The following PLXDC2 variants were observed in gnomAD, a reference collection of about 807,000 sequenced individuals.
The protein encoded by PLXDC2 is plexin domain-containing protein 2.
Under a neutral mutation model 68.9 loss-of-function variants are expected in PLXDC2, and 40 were observed. That is an observed-to-expected ratio of 0.58 (90% CI 0.45 to 0.76). The LOEUF (loss-of-function observed/expected upper bound fraction) is 0.76, where lower values mean the gene tolerates loss of function less well. PLXDC2 is among the 30% of genes least tolerant of loss of function. PLXDC2 has a pLI of 0.00. For missense variants in PLXDC2, 644 were observed against 661.9 expected, an observed-to-expected ratio of 0.97 and a Z score of 0.30; for synonymous variants, 243 against 234.2, an observed-to-expected ratio of 1.04 and a Z score of -0.34.
chr10:20,000,891 T>C (rs1834924870), intron 1 of PLXDC2, among the ~76,000 whole-genome samples: 1 of 152,328 alleles, frequency 6.6e-6, no homozygotes, highest in Admixed American at 6.5e-5. Context: ...AAGAAGGCTG[T>C]TCTTGTTCAG....
At chr10:19,830,091 T>C (rs1475735177) in intron 1 of PLXDC2, among the ~76,000 whole-genome samples, 1 of 152,192 alleles carries the variant, frequency 6.6e-6, no homozygotes, top group African/African-American at 2.4e-5. Flanking sequence ...AAAAATGATA[T>C]ATGGGTAAAC....
chr10:20,154,494 G>T (rs918283787), intron 6 of PLXDC2, among the ~76,000 whole-genome samples: 17 of 151,148 alleles, frequency 1.1e-4, no homozygotes, highest in Admixed American at 5.9e-4. Flanking sequence ...AACCCGGGAG[G>T]CAGAAGTTGC....
At chr10:19,949,305 T>C (rs550615878) in intron 1 of PLXDC2, among the ~76,000 whole-genome samples, 5 of 152,262 alleles carry the variant, frequency 3.3e-5, no homozygotes, top group Admixed American at 3.3e-4. Context: ...CTAAGGCTAG[T>C]TGAATACTTG....
At chr10:20,045,097 C>T (rs1048029680) in intron 2 of PLXDC2, among the ~76,000 whole-genome samples, 1 of 152,156 alleles carries the variant, frequency 6.6e-6, no homozygotes, top group Non-Finnish European at 1.5e-5. Flanking sequence ...TCTTCTTTCT[C>T]TGCAGACCTT....
At chr10:20,140,671 A>C (rs1486350188) in intron 4 of PLXDC2, among the ~76,000 whole-genome samples, 1 of 152,110 alleles carries the variant, frequency 6.6e-6, no homozygotes, top group Non-Finnish European at 1.5e-5. Flanking sequence ...TGGAAAATTA[A>C]GGAGAACTAG....
At chr10:20,134,070 G>C (rs2131779199) in intron 4 of PLXDC2, among the ~76,000 whole-genome samples, 1 of 151,990 alleles carries the variant, frequency 6.6e-6, no homozygotes, top group African/African-American at 2.4e-5. Context: ...TTTTTTCATA[G>C]TTTCTGTCTC....
At position 20,287,991 on chromosome 10, in the gene PLXDC2, G is replaced by GAGGC. The variant is rs1554781450; in HGVS notation, c.*8172_*8173insAGGC. On this transcript the variant is annotated 3_prime_UTR_variant, in exon 14 of 14. Coordinates refer to ENST00000377252, the MANE Select transcript of PLXDC2 (RefSeq NM_032812.9). ...GCACTTCTTGCGGCGGGGGAGGGGG[G>GAGGC]GGGGGCGGTGGCTTTCCAGATTTTA... 2 of 128,258 alleles carry GAGGC rather than the reference G, an allele frequency of 1.6e-5. No homozygotes were observed. Among genetic ancestry groups the GAGGC allele is most frequent in the Non-Finnish European group, 3.3e-5 (2 of 60,336 alleles). The allele number at this position is 128,258 out of a possible 1,614,324, so 7.9% of individuals were successfully genotyped here. A position where few individuals can be genotyped will look rare whatever the true frequency, so the allele number is the denominator to read the frequency against.
intron 1 of PLXDC2, among the ~76,000 whole-genome samples, chr10:20,000,741 A>G (rs1834921287): frequency 6.6e-6 from 1 of 152,168 alleles, no homozygotes; most frequent in South Asian, 2.1e-4. Flanking sequence ...CATTAAATAC[A>G]TTTTGGTTTC....
At chr10:20,223,518 G>C (rs983677242) in intron 12 of PLXDC2, among the ~76,000 whole-genome samples, 1 of 151,788 alleles carries the variant, frequency 6.6e-6, no homozygotes, top group Non-Finnish European at 1.5e-5. Context: ...CCACCATGTT[G>C]GCCAGGCTGG....
At chr10:20,208,430 G>A (rs138504010) in intron 9 of PLXDC2, among the ~76,000 whole-genome samples, 1 of 144,200 alleles carries the variant, frequency 6.9e-6, no homozygotes, top group East Asian at 2.3e-4. Flanking sequence ...CTGCCCCTAT[G>A]ATTAGATTAT....
At chr10:20,255,998 ATACTTTC>A (rs1426768892) in intron 13 of PLXDC2, among the ~76,000 whole-genome samples, 3 of 152,108 alleles carry the variant, frequency 2.0e-5, no homozygotes, top group Non-Finnish European at 4.4e-5. Flanking sequence ...TTCTATGTCT[ATACTTTC>A]TACTTTCAGC....
At chr10:20,107,929 T>G (rs77724582) in intron 4 of PLXDC2, among the ~76,000 whole-genome samples, 1 of 152,126 alleles carries the variant, frequency 6.6e-6, no homozygotes, top group Non-Finnish European at 1.5e-5. Context: ...AGGAAATTAT[T>G]TTTAATAATT....
chr10:20,060,488 TAAAAAAA>T (rs58942454), intron 3 of PLXDC2, among the ~76,000 whole-genome samples: 4 of 139,098 alleles, frequency 2.9e-5, no homozygotes, highest in African/African-American at 2.7e-5. Context: ...CCTGGAATGT[TAAAAAAA>T]AAAAAAAAAA....
chr10:20,151,216 A>G (rs1834148323), intron 6 of PLXDC2, among the ~76,000 whole-genome samples: 1 of 152,172 alleles, frequency 6.6e-6, no homozygotes. Flanking sequence ...GGTGAGAGCT[A>G]GAAGCTCCTG....
intron 1 of PLXDC2, among the ~76,000 whole-genome samples, chr10:19,926,493 C>A (rs989375898): frequency 9.2e-5 from 14 of 152,252 alleles, no homozygotes; most frequent in African/African-American, 3.4e-4. Context: ...GCTTGCTGCA[C>A]TATGTTCATC....
At position 20,196,219 on chromosome 10, in the gene PLXDC2, T is replaced by G. The variant is rs568219685; in HGVS notation, c.1062-15450T>G. ...GCAAAGTTGGATGCTGGAAAGGACC[T>G]TTTAGATTTTGATAGAATTCATCTA... On this transcript the variant is annotated intron_variant, in intron 9 of 13. Coordinates refer to ENST00000377252, the MANE Select transcript of PLXDC2 (RefSeq NM_032812.9). Among the ~76,000 whole-genome samples, 9 of 152,230 alleles carry G rather than the reference T, an allele frequency of 5.9e-5. No individual in the cohort carries two copies. In the East Asian group the frequency reaches 1.2e-3, roughly 20 times the overall value.
rs1835176975 is a variant in PLXDC2 at position 20,219,056 on chromosome 10, T to C, written c.1274-8T>C. On this transcript the variant is annotated splice_region_variant and splice_polypyrimidine_tract_variant and intron_variant, in intron 11 of 13. Transcript: ENST00000377252. ...TTCTGTTATAGTAACTTTGAATTTC[T>C]CTTCCAGATGATACCAAGATAGCAC... 1.9e-6 allele frequency: 3 copies of C among 1,607,734 alleles called. No individual in the cohort carries two copies. The highest frequency in any genetic ancestry group is 2.5e-6 in the Non-Finnish European group (3 of 1,177,406).
intron 12 of PLXDC2, among the ~76,000 whole-genome samples, chr10:20,236,173 G>A (rs796423486): frequency 6.6e-5 from 10 of 151,948 alleles, no homozygotes; most frequent in South Asian, 2.1e-4. Context: ...TGAGCTCAGC[G>A]ACTCACACCT....
At chr10:19,855,244 G>GTTT (rs869230895) in intron 1 of PLXDC2, among the ~76,000 whole-genome samples, 1 of 149,912 alleles carries the variant, frequency 6.7e-6, no homozygotes, top group African/African-American at 2.4e-5. Flanking sequence ...TGTTGTTGTT[G>GTTT]TTCTGTGTTA....
Sources: allele counts gnomAD v4.1 joint callset (sites outside exome capture counted in the v4.1 genomes callset), GRCh38; gene constraint gnomAD v4.1.1; transcripts MANE v1.5; gene names NCBI Gene and HGNC (gene_info 2026-07-23, HGNC 2026-07-21).